S100Z: variants seen among roughly 807,000 people sequenced by gnomAD.
The protein encoded by S100Z is S100 calcium binding protein Z.
S100Z carries 11 observed loss-of-function variants against 8.5 expected under a neutral mutation model. The observed-to-expected ratio is 1.30, with a 90% CI of 0.82 to 2.15. The LOEUF (loss-of-function observed/expected upper bound fraction) is 2.15. Among genes scored for constraint, S100Z ranks in the 30% most tolerant of loss-of-function variants. S100Z has a pLI of 0.00. For synonymous variants in S100Z, 34 were observed against 43.8 expected (o/e 0.78, Z 0.89); for missense variants, 126 against 117.9 (o/e 1.07, Z -0.32).
At chr5:76,865,750 T>G (rs553262866) in intron 1 of S100Z, among the ~76,000 whole-genome samples, 1 of 151,532 alleles carries the variant, frequency 6.6e-6, no homozygotes, top group South Asian at 2.1e-4. Flanking sequence ...CAGTGGCTCA[T>G]GCCTGTAATC....
chr5:76,903,067 TC>T (rs1744290959), intron 4 of S100Z, among the ~76,000 whole-genome samples: 1 of 152,156 alleles, frequency 6.6e-6, no homozygotes, highest in South Asian at 2.1e-4. Context: ...GTGCCAGTGA[TC>T]CCAGCTACTC....
At chr5:76,947,012 T>C in the S100Z span, among the ~76,000 whole-genome samples, 1 of 152,252 alleles carries the variant, frequency 6.6e-6, no homozygotes, top group Non-Finnish European at 1.5e-5. Flanking sequence ...CCTCTGGGCC[T>C]CGTCCTACAA....
intron 2 of S100Z, among the ~76,000 whole-genome samples, chr5:76,873,266 C>T (rs1212778868): frequency 6.6e-6 from 1 of 151,256 alleles, no homozygotes; most frequent in Non-Finnish European, 1.5e-5. Flanking sequence ...CCTAAGTATT[C>T]AAAATATTAT....
chr5:76,881,000 T>C (rs918568191), intron 4 of S100Z, among the ~76,000 whole-genome samples: 1 of 151,924 alleles, frequency 6.6e-6, no homozygotes, highest in Non-Finnish European at 1.5e-5. Context: ...TATAGTGTGG[T>C]GGAGATAGCT....
intron 1 of S100Z, among the ~76,000 whole-genome samples, chr5:76,856,666 G>C (rs551272036): frequency 1.3e-5 from 2 of 152,316 alleles, no homozygotes; most frequent in Middle Eastern, 3.4e-3. Flanking sequence ...TTTTTCGGAA[G>C]AGTTTAAGTA....
the S100Z span, among the ~76,000 whole-genome samples, chr5:76,935,740 G>A: frequency 3.3e-5 from 5 of 150,968 alleles, no homozygotes; most frequent in African/African-American, 1.2e-4. Flanking sequence ...TAAGCCTTTA[G>A]CTTTAAGTCT....
intron 4 of S100Z, among the ~76,000 whole-genome samples, chr5:76,903,884 C>T (rs1285009749): frequency 6.6e-6 from 1 of 151,534 alleles, no homozygotes; most frequent in Non-Finnish European, 1.5e-5. Flanking sequence ...GCCACCACGC[C>T]TGGCTATTTT....
At chr5:76,908,642 A>C (rs1424148318) in intron 4 of S100Z, among the ~76,000 whole-genome samples, 1 of 152,238 alleles carries the variant, frequency 6.6e-6, no homozygotes, top group African/African-American at 2.4e-5. Context: ...AAGCAGGCCT[A>C]ACAAAAGCAA....
intron 1 of S100Z, among the ~76,000 whole-genome samples, chr5:76,851,749 G>C (rs1398398070): frequency 6.6e-6 from 1 of 152,068 alleles, no homozygotes; most frequent in Non-Finnish European, 1.5e-5. Context: ...TACTCTCCTG[G>C]GTCCTAGGTA....
the S100Z span, among the ~76,000 whole-genome samples, chr5:76,951,768 T>C: frequency 6.6e-6 from 1 of 152,196 alleles, no homozygotes. Flanking sequence ...TAGGTACTCT[T>C]TTCCCTCTCA....
chr5:76,875,510 G>T lies in S100Z; in HGVS notation c.141+10G>T. On this transcript the variant is annotated intron_variant, in intron 3 of 4. Coordinates refer to ENST00000317593, the MANE Select transcript of S100Z (RefSeq NM_130772.4). ...CACGGAATTCCTCTCGGTGAGTCAG[G>T]CCTTTGTAAATGCTGTATTCATTTG... The T allele has an allele frequency of 6.2e-7, 1 of 1,600,132 alleles. No homozygotes were observed.
intron 4 of S100Z, among the ~76,000 whole-genome samples, chr5:76,910,862 G>A (rs1744628571): frequency 6.6e-6 from 1 of 152,294 alleles, no homozygotes; most frequent in South Asian, 2.1e-4. Context: ...AGGAATCCTG[G>A]GACAGCCTGT....
intron 2 of S100Z, among the ~76,000 whole-genome samples, chr5:76,874,304 T>C (rs1236728521): frequency 6.6e-6 from 1 of 152,086 alleles, no homozygotes; most frequent in African/African-American, 2.4e-5. Context: ...TTGGAACTAG[T>C]GTTTCTTCTT....
Position 76,852,416 on chromosome 5 carries a change from G to A in S100Z, c.-176+2261G>A, listed in dbSNP as rs2150616643. Among the ~76,000 whole-genome samples, 2 of 152,132 alleles carry A rather than the reference G, an allele frequency of 1.3e-5. 1 individual carries two copies. Among genetic ancestry groups the A allele is most frequent in the South Asian group, 4.1e-4 (2 of 4,822 alleles). ...GCTTAGTGCCTCTGTTGTATCTGTT[G>A]TTAAATAGTTTGGGCTGGGTGTAAT... On this transcript the variant is annotated intron_variant, in intron 1 of 4. Transcript: ENST00000317593.
intron 1 of S100Z, among the ~76,000 whole-genome samples, chr5:76,856,245 G>A (rs1430100888): frequency 2.0e-5 from 3 of 152,150 alleles, no homozygotes; most frequent in African/African-American, 7.2e-5. Flanking sequence ...AGGCTGGAGT[G>A]CAGTGGCATG....
At chr5:76,859,225 G>A (rs1750977789) in intron 1 of S100Z, among the ~76,000 whole-genome samples, 1 of 152,144 alleles carries the variant, frequency 6.6e-6, no homozygotes, top group Admixed American at 6.5e-5. Flanking sequence ...ATATAATTAG[G>A]AGTGAAATCA....
intron 2 of S100Z, among the ~76,000 whole-genome samples, chr5:76,874,495 T>G (rs1279288459): frequency 6.6e-6 from 1 of 152,142 alleles, no homozygotes; most frequent in Non-Finnish European, 1.5e-5. Flanking sequence ...CTCACACCTG[T>G]TCATTTTGGT....
chr5:76,908,315 G>A (rs111539671), intron 4 of S100Z, among the ~76,000 whole-genome samples: 13,275 of 152,074 alleles, frequency 0.087, 1,759 homozygotes, highest in African/African-American at 0.29. Flanking sequence ...AGCCATGAGC[G>A]GAACTCTCAA....
At chr5:76,947,289 C>A in the S100Z span, among the ~76,000 whole-genome samples, 1 of 152,080 alleles carries the variant, frequency 6.6e-6, no homozygotes, top group Non-Finnish European at 1.5e-5. Context: ...CAGTCACTTG[C>A]AACCCTGAAA....
Sources: gnomAD v4.1 joint callset for allele counts (sites outside exome capture counted in the v4.1 genomes callset) on GRCh38, gnomAD v4.1.1 for gene constraint, MANE v1.5 for transcripts, NCBI Gene and HGNC (gene_info 2026-07-23, HGNC 2026-07-21) for gene names.